Variants in LMTK2 observed in about 807,000 individuals in gnomAD.
The protein encoded by LMTK2 is serine/threonine-protein kinase LMTK2.
In LMTK2, 37 loss-of-function variants were observed where a neutral mutation model predicts 127.5. The observed-to-expected ratio is 0.29, with a 90% CI of 0.22 to 0.38. LMTK2 has a LOEUF of 0.38. Ranked by LOEUF, LMTK2 falls within the 10% of genes least tolerant of loss-of-function variation. The probability of loss-of-function intolerance (pLI) is 1.00; values close to 1 mark genes in which losing one functional copy is unlikely to be tolerated. For missense variants in LMTK2, 1,694 were observed against 1,920.3 expected, an observed-to-expected ratio of 0.88 and a Z score of 2.20; for synonymous variants, 819 against 810.1, an observed-to-expected ratio of 1.01 and a Z score of -0.19.
At chr7:98,140,884 CAAA>C (rs35204584) in intron 2 of LMTK2, among the ~76,000 whole-genome samples, 1 of 134,244 alleles carries the variant, frequency 7.4e-6, no homozygotes, top group African/African-American at 2.7e-5. Context: ...TCTGCCTCTA[CAAA>C]AAAAAAAAAA....
At chr7:98,117,661 A>G (rs1796306401) in intron 1 of LMTK2, among the ~76,000 whole-genome samples, 1 of 151,974 alleles carries the variant, frequency 6.6e-6, no homozygotes, top group African/African-American at 2.4e-5. Flanking sequence ...CTGATTGGAG[A>G]GTGATATGAG....
Position 98,151,769 on chromosome 7 carries a change from G to A in LMTK2, c.450+314G>A, listed in dbSNP as rs988168249. ...TGGGAAGTCCAAGATCAAGGTGCTG[G>A]CTGAATCCGGATCAGGTGAAGGTGG... On this transcript the variant is annotated intron_variant, in intron 4 of 13. Transcript: ENST00000297293. Among the ~76,000 whole-genome samples, 3 of 152,208 alleles carry A rather than the reference G, an allele frequency of 2.0e-5. No homozygotes were observed. The South Asian group carries it at 6.2e-4, about 32-fold the overall frequency.
Position 98,137,433 on chromosome 7 carries a change from A to T in LMTK2, c.222A>T (p.Ile74=). Residue 74 remains isoleucine (I), a synonymous_variant, in exon 2 of 14, where the codon ATA becomes ATT. Coordinates refer to ENST00000297293, the MANE Select transcript of LMTK2 (RefSeq NM_014916.4). ...TATCCTGCTGTAAGGACCCAGAAAT[A>T]GACTTTAAGGTGAGCACAGAGGGTA... The part of the protein sequence containing the change: ...NCVSCCKDPE[I]DFKEFEDNFD... 6.2e-7 allele frequency: 1 copy of T among 1,612,816 alleles called. No homozygotes were observed. The highest frequency in any genetic ancestry group is 8.5e-7 in the Non-Finnish European group (1 of 1,179,584).
At position 98,171,815 on chromosome 7, in the gene LMTK2, T is replaced by C. The variant is rs1797197139; in HGVS notation, c.791+141T>C. 2.2e-6 allele frequency: 2 copies of C among 923,718 alleles called. No homozygotes were observed. Among genetic ancestry groups the C allele is most frequent in the Non-Finnish European group, 3.1e-6 (2 of 645,822 alleles). The allele number at this position is 923,718 out of a possible 1,614,324, so 57.2% of individuals were successfully genotyped here. ...ATGTAGGTAGAAGCGATCTCGTTCT[T>C]ACCCATGTCCGGATAAGGGTTGAGT... On this transcript the variant is annotated intron_variant, in intron 7 of 13. Coordinates refer to ENST00000297293, the MANE Select transcript of LMTK2 (RefSeq NM_014916.4). The surrounding 1 kb of genome is among the most constrained non-coding windows in gnomAD (Gnocchi z 5.1).
In LMTK2 at chr7:98,171,020, G is replaced by A. The variant is rs576747964; in HGVS notation, c.658-521G>A. On this transcript the variant is annotated intron_variant, in intron 6 of 13. Coordinates refer to ENST00000297293, the MANE Select transcript of LMTK2 (RefSeq NM_014916.4). This position sits in a 1 kb window ranked among gnomAD's most constrained non-coding sequence, Gnocchi z 5.1. ...TAGCCCAGGGTCCTGGGGAAGCTGG[G>A]GGAGACCTGAAACAGTTGTTGCTGC... is the stretch of plus-strand genomic sequence containing the variant. Among the ~76,000 whole-genome samples the A allele has an allele frequency of 8.5e-5, 13 of 152,238 alleles. No individual in the cohort carries two copies. Among genetic ancestry groups the A allele is most frequent in the East Asian group, 5.8e-4 (3 of 5,168 alleles).
chr7:98,197,106 T>TG (rs1284856043), intron 11 of LMTK2, among the ~76,000 whole-genome samples: 29 of 152,390 alleles, frequency 1.9e-4, no homozygotes, highest in African/African-American at 6.5e-4. Context: ...AATTGTTTCT[T>TG]GGTTATATTA....
In LMTK2 at chr7:98,137,331, TGCA is replaced by T. The variant is rs1796609720; in HGVS notation, c.122_124del (p.Ala41del). The T allele has an allele frequency of 1.2e-6, 2 of 1,611,020 alleles. No homozygotes were observed. Among genetic ancestry groups the T allele is most frequent in the Non-Finnish European group, 1.7e-6 (2 of 1,179,256 alleles). On this transcript the variant is annotated inframe_deletion, in exon 2 of 14. Coordinates refer to ENST00000297293, the MANE Select transcript of LMTK2 (RefSeq NM_014916.4). ...TCTTTCCAGGGGAGGCGCCACCTGC[TGCA>T]GAAGTTTCCTCATCTTTTGTGATCC...
At chr7:98,107,607 C>G (rs1241968309) in intron 1 of LMTK2, among the ~76,000 whole-genome samples, 2 of 152,218 alleles carry the variant, frequency 1.3e-5, no homozygotes, top group Non-Finnish European at 2.9e-5. Context: ...GCTTCCCTTT[C>G]CAGATGTCAC....
chr7:98,181,866 C>T (rs372326833), intron 7 of LMTK2, among the ~76,000 whole-genome samples: 3 of 152,128 alleles, frequency 2.0e-5, no homozygotes, highest in South Asian at 4.1e-4. Flanking sequence ...ACCATGTTGG[C>T]CAGGAAGGTC....
intron 8 of LMTK2, among the ~76,000 whole-genome samples, chr7:98,186,405 T>C (rs1428843432): frequency 6.6e-6 from 1 of 152,058 alleles, no homozygotes; most frequent in African/African-American, 2.4e-5. Context: ...AGGTTTGTGT[T>C]CTCCTCACTT....
chr7:98,114,469 T>A (rs1425526085), intron 1 of LMTK2, among the ~76,000 whole-genome samples: 1 of 152,094 alleles, frequency 6.6e-6, no homozygotes. Flanking sequence ...GGTCTCAAAC[T>A]CCTGGACTCA....
In LMTK2 at chr7:98,152,353, A is replaced by G. The variant is rs145664781; in HGVS notation, c.450+898A>G. 6.2e-3 allele frequency among the ~76,000 whole-genome samples: 952 copies of G among 152,360 alleles called. 6 individuals are homozygous for G. Among genetic ancestry groups the G allele is most frequent in the Middle Eastern group, 0.017 (5 of 294 alleles). On this transcript the variant is annotated intron_variant, in intron 4 of 13. Coordinates refer to ENST00000297293, the MANE Select transcript of LMTK2 (RefSeq NM_014916.4). ...ACATCGTAAGCAGGATGCTTACAAC[A>G]GGAGGATGCACTTCCCAGTAGTCAG... is the stretch of plus-strand genomic sequence containing the variant.
rs1213927665 is a variant in LMTK2, at chr7:98,187,678, A to C, written c.998+680A>C. 6.2e-5 allele frequency among the ~76,000 whole-genome samples: 7 copies of C among 113,494 alleles called. No individual in the cohort carries two copies. In the East Asian group the frequency reaches 1.8e-3, roughly 29 times the overall value. 74.5% of individuals were successfully genotyped at this position (113,494 alleles called of 152,430 possible). On this transcript the variant is annotated intron_variant, in intron 9 of 13. Transcript: ENST00000297293. ...GAGTACAGTGGTGTAGTCTCGGCTC[A>C]CGGCTCACTGCAGTGTCCACCTCCC...
chr7:98,153,610 G>A (rs920704069), intron 4 of LMTK2, among the ~76,000 whole-genome samples: 3 of 152,174 alleles, frequency 2.0e-5, no homozygotes, highest in Non-Finnish European at 4.4e-5. Flanking sequence ...GGTAGCTCAC[G>A]CCTGTAATTC....
intron 6 of LMTK2, among the ~76,000 whole-genome samples, chr7:98,164,765 C>G (rs1015763957): frequency 6.6e-6 from 1 of 152,078 alleles, no homozygotes; most frequent in Non-Finnish European, 1.5e-5. Context: ...GGACAGAGAA[C>G]AAAGCACGCT....
chr7:98,168,581 G>A (rs1797137779), intron 6 of LMTK2, among the ~76,000 whole-genome samples: 1 of 152,144 alleles, frequency 6.6e-6, no homozygotes. Flanking sequence ...CAGTTCTAAA[G>A]CTATTTACTT....
chr7:98,141,580 G>A, intron 3 of LMTK2, 39 bp downstream of exon 3: 3 of 1,589,208 alleles, frequency 1.9e-6, no homozygotes, highest in Non-Finnish European at 8.6e-7. Flanking sequence ...TTCATGAATT[G>A]TTTCTGAGAT....
chr7:98,196,759 A>C (rs1267558831), intron 11 of LMTK2, among the ~76,000 whole-genome samples: 2 of 152,194 alleles, frequency 1.3e-5, no homozygotes, highest in African/African-American at 4.8e-5. Context: ...AGGGCACTCT[A>C]GTTATGGGAT....
Position 98,107,292 on chromosome 7 carries a change from C to CGCGGCGGGGACGGG in LMTK2, c.103+15_103+28dup. The CGCGGCGGGGACGGG allele has an allele frequency of 7.8e-7, 1 of 1,279,696 alleles. No individual in the cohort carries two copies. 79.3% of individuals were successfully genotyped at this position (1,279,696 alleles called of 1,614,324 possible). On this transcript the variant is annotated intron_variant, in intron 1 of 13. Transcript: ENST00000297293. ...GCAAACAGGTGCAGGTGAGCGGGCC[C>CGCGGCGGGGACGGG]GCGGCGGGGACGGGGCTGCGGGGTC...
Sources: gnomAD v4.1 joint callset for allele counts (sites outside exome capture counted in the v4.1 genomes callset) on GRCh38, gnomAD v4.1.1 for gene constraint, Gnocchi (gnomAD v3.1) non-coding constraint, MANE v1.5 for transcripts, NCBI Gene and HGNC (gene_info 2026-07-23, HGNC 2026-07-21) for gene names.